DSCAM: variants seen among roughly 807,000 people sequenced by gnomAD.
The protein encoded by DSCAM is cell adhesion molecule DSCAM.
A neutral mutation model predicts 217.7 loss-of-function variants in DSCAM; 47 were observed. The ratio of observed to expected loss-of-function variants is 0.22; its 90% CI spans 0.17 to 0.28. The LOEUF (loss-of-function observed/expected upper bound fraction) is 0.28. DSCAM is among the 10% of genes least tolerant of loss of function. The pLI is 1.00. For synonymous variants in DSCAM, 1,056 were observed against 1,015.3 expected, an observed-to-expected ratio of 1.04 and a Z score of -0.76; for missense variants, 2,080 against 2,618.3, an observed-to-expected ratio of 0.79 and a Z score of 4.49.
intron 32 of DSCAM, among the ~76,000 whole-genome samples, chr21:40,019,589 G>C (rs565704779): frequency 6.6e-6 from 1 of 152,276 alleles, no homozygotes; most frequent in East Asian, 1.9e-4. Flanking sequence ...TTACCATTCA[G>C]GACCCTCTCC....
chr21:40,253,948 C>T (rs1019657469), intron 11 of DSCAM, among the ~76,000 whole-genome samples: 1 of 152,198 alleles, frequency 6.6e-6, no homozygotes, highest in East Asian at 1.9e-4. Flanking sequence ...CTTGAATTTG[C>T]AGCTATCCAG....
intron 4 of DSCAM, among the ~76,000 whole-genome samples, chr21:40,365,641 C>T (rs760161746): frequency 6.6e-6 from 1 of 152,142 alleles, no homozygotes; most frequent in Non-Finnish European, 1.5e-5. Context: ...CTTCTAGACA[C>T]TACTAACCTT....
At chr21:40,531,882 T>C (rs990086369) in intron 3 of DSCAM, among the ~76,000 whole-genome samples, 5 of 152,298 alleles carry the variant, frequency 3.3e-5, no homozygotes, top group Admixed American at 6.5e-5. Context: ...CAGCTGTCTA[T>C]TGTGGGTGTC....
chr21:40,808,655 T>C (rs1258771824), intron 1 of DSCAM, among the ~76,000 whole-genome samples: 1 of 151,940 alleles, frequency 6.6e-6, no homozygotes, highest in East Asian at 1.9e-4. Flanking sequence ...TTTTCACTTT[T>C]TGTAGAGACA....
intron 11 of DSCAM, among the ~76,000 whole-genome samples, chr21:40,272,732 A>G (rs1393085031): frequency 1.3e-5 from 2 of 152,190 alleles, no homozygotes; most frequent in African/African-American, 4.8e-5. Flanking sequence ...TAATTTCCTG[A>G]CATCATCCAA....
intron 3 of DSCAM, among the ~76,000 whole-genome samples, chr21:40,498,791 A>G (rs1241861512): frequency 2.7e-5 from 1 of 37,454 alleles, no homozygotes; most frequent in Non-Finnish European, 5.0e-5. Flanking sequence ...GTATATATAT[A>G]TATATATATA....
chr21:40,310,435 G>A (rs2074125097), intron 9 of DSCAM, among the ~76,000 whole-genome samples: 1 of 152,170 alleles, frequency 6.6e-6, no homozygotes, highest in South Asian at 2.1e-4. Flanking sequence ...CCTCTAGGCT[G>A]CATTATCTCA....
At chr21:40,102,481 A>G (rs1365854330) in intron 20 of DSCAM, among the ~76,000 whole-genome samples, 1 of 152,170 alleles carries the variant, frequency 6.6e-6, no homozygotes, top group Non-Finnish European at 1.5e-5. Flanking sequence ...CTTCCAGTCA[A>G]AAGAGTGTAA....
chr21:40,129,284 C>A (rs1042280844), intron 19 of DSCAM, among the ~76,000 whole-genome samples: 1 of 152,202 alleles, frequency 6.6e-6, no homozygotes, highest in African/African-American at 2.4e-5. Context: ...CAGCTGTCAT[C>A]CCACCAAGCA....
At chr21:40,121,768 C>T (rs746888778) in intron 20 of DSCAM, among the ~76,000 whole-genome samples, 2 of 142,168 alleles carry the variant, frequency 1.4e-5, no homozygotes, top group Non-Finnish European at 3.0e-5. Context: ...TGGCTCACGG[C>T]AACCTCCACC....
At chr21:40,057,434 T>C (rs2089043541) in intron 28 of DSCAM, among the ~76,000 whole-genome samples, 1 of 152,192 alleles carries the variant, frequency 6.6e-6, no homozygotes, top group Admixed American at 6.5e-5. Context: ...TACTCCTCTG[T>C]GAATATCCCA....
At chr21:40,213,334 G>T (rs1373320922) in intron 11 of DSCAM, among the ~76,000 whole-genome samples, 1 of 152,148 alleles carries the variant, frequency 6.6e-6, no homozygotes, top group African/African-American at 2.4e-5. Context: ...TGGGGTGAAG[G>T]ATCCTGCTGC....
intron 1 of DSCAM, among the ~76,000 whole-genome samples, chr21:40,748,851 C>G (rs2091199911): frequency 6.6e-6 from 1 of 152,028 alleles, no homozygotes; most frequent in Non-Finnish European, 1.5e-5. Flanking sequence ...GCTATAGTAA[C>G]CAAAACAGGA....
intron 3 of DSCAM, among the ~76,000 whole-genome samples, chr21:40,598,497 GTTTTT>G (rs71186947): frequency 1.5e-5 from 1 of 66,790 alleles, no homozygotes; most frequent in Non-Finnish European, 2.6e-5. Flanking sequence ...CTGCCAAACT[GTTTTT>G]TTTTTTTTTT....
intron 1 of DSCAM, among the ~76,000 whole-genome samples, chr21:40,729,285 A>G (rs958327707): frequency 6.6e-6 from 1 of 152,202 alleles, no homozygotes; most frequent in Admixed American, 6.5e-5. Flanking sequence ...CTAGGTTGTC[A>G]GTTAAGCAGT....
chr21:40,407,835 C>T (rs903590780), intron 3 of DSCAM, among the ~76,000 whole-genome samples: 49 of 152,314 alleles, frequency 3.2e-4, no homozygotes, highest in African/African-American at 1.1e-3. Flanking sequence ...TTAATATAAG[C>T]TGTACAATGA....
chr21:40,093,842 C>T lies in DSCAM; in HGVS notation c.3729G>A (p.Ser1243=), dbSNP rs776797984. The change falls in exon 21 of 33, where the codon TCG becomes TCA. Residue 1243 remains serine, a synonymous_variant. Transcript: ENST00000400454. ...TCAGGTTGGGAATTCTGTAGGAAAA[C>T]GAGTCGGGAGAGGCCTCAAACTCGC... ...VISEFEASPD[S]FSYRIPNLSR... is the part of the protein sequence containing the mutation. 1.1e-5 allele frequency: 17 copies of T among 1,613,846 alleles called. No homozygotes were observed. The East Asian group carries it at 1.3e-4, about 13-fold the overall frequency.
intron 3 of DSCAM, among the ~76,000 whole-genome samples, chr21:40,665,235 G>C (rs2090187137): frequency 1.3e-5 from 2 of 152,226 alleles, no homozygotes; most frequent in Non-Finnish European, 2.9e-5. Context: ...AGAGTGAGTA[G>C]TCAAAAGCAG....
At chr21:40,751,157 C>T (rs551890951) in intron 1 of DSCAM, among the ~76,000 whole-genome samples, 28 of 152,268 alleles carry the variant, frequency 1.8e-4, no homozygotes, top group African/African-American at 6.3e-4. Flanking sequence ...CTTCCACCCC[C>T]GCTGACATCC....
Sources: allele counts gnomAD v4.1 joint callset (sites outside exome capture counted in the v4.1 genomes callset), GRCh38; gene constraint gnomAD v4.1.1; transcripts MANE v1.5; gene names NCBI Gene and HGNC (gene_info 2026-07-23, HGNC 2026-07-21).